The following EYS variants were observed in gnomAD, a reference collection of about 807,000 sequenced individuals.
The protein encoded by EYS is protein eyes shut homolog.
In EYS, 250 loss-of-function variants were observed where a neutral mutation model predicts 282.1. That is an observed-to-expected ratio of 0.89 (90% CI 0.80 to 0.98). The LOEUF (loss-of-function observed/expected upper bound fraction) is 0.98. Ranked by LOEUF, EYS falls within the 50% of genes least tolerant of loss-of-function variation. The pLI is 0.00. For synonymous variants in EYS, 1,355 were observed against 1,282.9 expected (o/e 1.06, Z -1.20); for missense variants, 4,016 against 3,709.0 (o/e 1.08, Z -2.15).
chr6:64,455,122 G>A (rs1006079192), intron 26 of EYS, among the ~76,000 whole-genome samples: 3 of 151,958 alleles, frequency 2.0e-5, no homozygotes, highest in Non-Finnish European at 4.4e-5. Flanking sequence ...ATGTTACCCA[G>A]GCTGATGTTG....
At chr6:64,015,504 A>G (rs1768849205) in intron 33 of EYS, among the ~76,000 whole-genome samples, 1 of 152,224 alleles carries the variant, frequency 6.6e-6, no homozygotes, top group Admixed American at 6.5e-5. Context: ...ATAGCAAAAA[A>G]TAGAAGAAAA....
At chr6:65,176,498 T>G (rs1765228201) in intron 12 of EYS, among the ~76,000 whole-genome samples, 1 of 151,304 alleles carries the variant, frequency 6.6e-6, no homozygotes, top group South Asian at 2.1e-4. Flanking sequence ...ACATTTTATT[T>G]AAAAAAAACT....
At chr6:65,035,419 G>A (rs1772736600) in intron 13 of EYS, among the ~76,000 whole-genome samples, 2 of 151,760 alleles carry the variant, frequency 1.3e-5, no homozygotes, top group Admixed American at 1.3e-4. Flanking sequence ...TGATATGATT[G>A]TATATACAGA....
chr6:64,732,159 C>T (rs986267756), intron 22 of EYS, among the ~76,000 whole-genome samples: 16 of 151,174 alleles, frequency 1.1e-4, no homozygotes, highest in East Asian at 7.9e-4. Context: ...TGGGGCCTGT[C>T]GGGGTTGGGG....
intron 31 of EYS, among the ~76,000 whole-genome samples, chr6:64,192,943 G>A (rs910971690): frequency 6.6e-6 from 1 of 152,102 alleles, no homozygotes; most frequent in African/African-American, 2.4e-5. Context: ...CTGTGTGTGA[G>A]TTTGTTTGTA....
At chr6:64,190,056 A>G (rs1160824038) in intron 31 of EYS, among the ~76,000 whole-genome samples, 3 of 152,222 alleles carry the variant, frequency 2.0e-5, no homozygotes, top group Non-Finnish European at 2.9e-5. Context: ...AATAGCATCA[A>G]CAAGATAAAC....
chr6:64,096,489 A>G (rs1772619511), intron 31 of EYS, among the ~76,000 whole-genome samples: 1 of 151,956 alleles, frequency 6.6e-6, no homozygotes, highest in Non-Finnish European at 1.5e-5. Context: ...TTCTCACTTT[A>G]TTTCATTCAT....
intron 13 of EYS, among the ~76,000 whole-genome samples, chr6:65,035,014 A>C (rs981268472): frequency 6.6e-6 from 1 of 152,164 alleles, no homozygotes; most frequent in Non-Finnish European, 1.5e-5. Flanking sequence ...CTAATCCACC[A>C]CAGTCAAGTA....
chr6:64,115,252 G>C (rs1773338554), intron 31 of EYS, among the ~76,000 whole-genome samples: 1 of 152,076 alleles, frequency 6.6e-6, no homozygotes, highest in Non-Finnish European at 1.5e-5. Context: ...CTGCAGTTCG[G>C]GGGTGGGGTT....
rs923290255 is a variant in EYS at position 64,639,527 on chromosome 6, C to T, written c.3444-13282G>A. Among the ~76,000 whole-genome samples the T allele has an allele frequency of 2.7e-4, 24 of 90,298 alleles. 8 individuals are homozygous for T. Among genetic ancestry groups the T allele is most frequent in the Non-Finnish European group, 4.5e-4 (19 of 42,076 alleles). The allele number at this position is 90,298 out of a possible 152,430, so 59.2% of individuals were successfully genotyped here. On this transcript the variant is annotated intron_variant, in intron 22 of 42. Transcript: ENST00000503581. ...AGGCATTGCATGGGAGGCCCTTATG[C>T]TAAAGATTAAAATTCCTTACACCTT...
chr6:64,235,218 T>C (rs1228126789), intron 30 of EYS, among the ~76,000 whole-genome samples: 2 of 151,714 alleles, frequency 1.3e-5, no homozygotes, highest in South Asian at 4.2e-4. Flanking sequence ...TAGGTATATC[T>C]CCTAATGCTA....
intron 31 of EYS, among the ~76,000 whole-genome samples, chr6:64,135,277 C>A (rs929428313): frequency 1.3e-5 from 2 of 151,662 alleles, no homozygotes; most frequent in African/African-American, 4.8e-5. Context: ...TATGGGAGAT[C>A]CTCAAGAAAT....
intron 31 of EYS, among the ~76,000 whole-genome samples, chr6:64,093,091 G>A (rs1000540764): frequency 6.6e-6 from 1 of 151,732 alleles, no homozygotes; most frequent in Non-Finnish European, 1.5e-5. Flanking sequence ...TCTGAGGGCT[G>A]TGTTCTGTTC....
At chr6:65,103,401 G>T (rs576069500) in intron 12 of EYS, among the ~76,000 whole-genome samples, 1 of 151,510 alleles carries the variant, frequency 6.6e-6, no homozygotes, top group East Asian at 1.9e-4. Flanking sequence ...ATCCAATAGA[G>T]CTTTTTTATT....
In EYS at chr6:64,448,252, C is replaced by G. The variant is rs551017478; in HGVS notation, c.5645-8900G>C. On this transcript the variant is annotated intron_variant, in intron 26 of 42. Transcript: ENST00000503581. ...AAGGTCCTATGCCCACGGAGCCTTG[C>G]TGATTGCTAGCACAGCAGTCTGAGA... Among the ~76,000 whole-genome samples, 5 of 152,346 alleles carry G rather than the reference C, an allele frequency of 3.3e-5. No homozygotes were observed. The South Asian group carries it at 1.0e-3, about 32-fold the overall frequency.
chr6:65,223,228 G>C (rs539143967), intron 12 of EYS, among the ~76,000 whole-genome samples: 1 of 152,008 alleles, frequency 6.6e-6, no homozygotes, highest in Admixed American at 6.6e-5. Flanking sequence ...TTAGCTGGGC[G>C]TGGTGGTAGG....
At chr6:65,020,448 TG>T (rs1336136012) in intron 13 of EYS, among the ~76,000 whole-genome samples, 1 of 152,196 alleles carries the variant, frequency 6.6e-6, no homozygotes, top group African/African-American at 2.4e-5. Context: ...TGGTCTCCTT[TG>T]CTCCATGTCT....
At chr6:64,295,439 GAA>G (rs1768907486) in intron 30 of EYS, among the ~76,000 whole-genome samples, 3 of 9,574 alleles carry the variant, frequency 3.1e-4, no homozygotes, top group African/African-American at 1.2e-3. Context: ...AGAAGAGGAA[GAA>G]GAGGAAGAAG....
At chr6:65,078,486 A>C (rs114991241) in intron 12 of EYS, among the ~76,000 whole-genome samples, 1 of 152,092 alleles carries the variant, frequency 6.6e-6, no homozygotes, top group Non-Finnish European at 1.5e-5. Context: ...AAAAAAAGTA[A>C]AGGTCAAAGG....
Sources: gnomAD v4.1 joint callset for allele counts (sites outside exome capture counted in the v4.1 genomes callset) on GRCh38, gnomAD v4.1.1 for gene constraint, MANE v1.5 for transcripts, NCBI Gene and HGNC (gene_info 2026-07-23, HGNC 2026-07-21) for gene names.